NINL: variants seen among roughly 807,000 people sequenced by gnomAD.
NINL encodes the protein ninein like.
NINL carries 153 observed loss-of-function variants against 160.3 expected under a neutral mutation model. That is an observed-to-expected ratio of 0.95 (90% CI 0.84 to 1.09). The LOEUF (loss-of-function observed/expected upper bound fraction) is 1.09. Among genes scored for constraint, NINL ranks in the 50% least tolerant of loss-of-function variants. NINL has a pLI of 0.00. For missense variants in NINL, 1,829 were observed against 1,764.0 expected (o/e 1.04, Z -0.66); for synonymous variants, 800 against 734.8 (o/e 1.09, Z -1.43).
intron 10 of NINL, among the ~76,000 whole-genome samples, chr20:25,494,405 T>G (rs1269366910): frequency 1.3e-5 from 2 of 151,846 alleles, no homozygotes; most frequent in Non-Finnish European, 2.9e-5. Flanking sequence ...GTACACGTAC[T>G]GCACCACCGC....
chr20:25,500,716 A>G (rs2146785399), intron 8 of NINL, 124 bp downstream of exon 8: 1 of 922,706 alleles, frequency 1.1e-6, no homozygotes, highest in African/African-American at 1.6e-5. Flanking sequence ...CTTGCATGGC[A>G]TTCTCTGCAC....
chr20:25,507,215 A>G (rs1161775337), intron 5 of NINL, among the ~76,000 whole-genome samples: 1 of 151,522 alleles, frequency 6.6e-6, no homozygotes, highest in Non-Finnish European at 1.5e-5. Context: ...TGAAAACCTG[A>G]GTTAGCATCA....
intron 19 of NINL, 186 bp from the exon 20 acceptor site, chr20:25,462,727 T>C: frequency 1.8e-6 from 1 of 541,970 alleles, no homozygotes; most frequent in Non-Finnish European, 3.2e-6. Flanking sequence ...CATTCATGGT[T>C]CACTGCAGCC....
At chr20:25,529,288 A>C (rs2064410610) in intron 1 of NINL, among the ~76,000 whole-genome samples, 1 of 152,026 alleles carries the variant, frequency 6.6e-6, no homozygotes, top group East Asian at 1.9e-4. Flanking sequence ...AAAAAAAATT[A>C]AGTAGAATCT....
intron 6 of NINL, 89 bp downstream of exon 6, chr20:25,504,799 G>A: frequency 7.5e-7 from 1 of 1,338,362 alleles, no homozygotes; most frequent in Non-Finnish European, 1.0e-6. Flanking sequence ...CTACATGAGT[G>A]GCTGAAGGGT....
chr20:25,569,620 G>GC (rs1168468936), intron 1 of NINL, among the ~76,000 whole-genome samples: 1 of 152,212 alleles, frequency 6.6e-6, no homozygotes, highest in Non-Finnish European at 1.5e-5. Flanking sequence ...CCTGCAGGAG[G>GC]CAGGAGAGAT....
At chr20:25,460,038 C>G (rs2062746014) in intron 21 of NINL, among the ~76,000 whole-genome samples, 1 of 152,168 alleles carries the variant, frequency 6.6e-6, no homozygotes, top group Non-Finnish European at 1.5e-5. Context: ...GAGTCCCCAT[C>G]CCTTTGCCCT....
At chr20:25,510,538 C>T in intron 5 of NINL, 136 bp downstream of exon 5, 10 of 801,408 alleles carry the variant, frequency 1.2e-5, no homozygotes, top group Non-Finnish European at 1.8e-5. Flanking sequence ...AGGAAGAATC[C>T]AGCGGGACAC....
intron 19 of NINL, among the ~76,000 whole-genome samples, chr20:25,466,023 CTAT>C (rs369860389): frequency 2.6e-5 from 4 of 151,610 alleles, no homozygotes; most frequent in African/African-American, 9.7e-5. Context: ...AACTTATTTT[CTAT>C]TATTATTATT....
chr20:25,553,662 C>T (rs777049176), intron 1 of NINL, among the ~76,000 whole-genome samples: 8 of 152,334 alleles, frequency 5.3e-5, no homozygotes, highest in South Asian at 2.1e-4. Context: ...CAGACTTGCA[C>T]GCCATTATGT....
chr20:25,532,483 T>A (rs1290690125), intron 1 of NINL, among the ~76,000 whole-genome samples: 3 of 152,188 alleles, frequency 2.0e-5, no homozygotes, highest in African/African-American at 7.2e-5. Context: ...CCCAAGGGGA[T>A]CTGCAGCTCT....
chr20:25,550,202 G>A (rs6107052), intron 1 of NINL, among the ~76,000 whole-genome samples: 64,138 of 152,092 alleles, frequency 0.42, 14,373 homozygotes, highest in East Asian at 0.91. Flanking sequence ...GCAACATAGC[G>A]AGACTGTCTA....
chr20:25,556,987 C>T (rs192799872), intron 1 of NINL, among the ~76,000 whole-genome samples: 206 of 152,248 alleles, frequency 1.4e-3, no homozygotes, highest in African/African-American at 4.6e-3. Flanking sequence ...AGCTCCCACT[C>T]CCAGCTGGAA....
chr20:25,472,410 T>C (rs1486032712), intron 17 of NINL, among the ~76,000 whole-genome samples: 1 of 146,902 alleles, frequency 6.8e-6, no homozygotes, highest in Non-Finnish European at 1.5e-5. Context: ...CTTGTTGCCC[T>C]GGCTGGAGTG....
At chr20:25,489,029 G>T (rs1290377437) in intron 13 of NINL, 2 of 576,322 alleles carry the variant, frequency 3.5e-6, no homozygotes, top group Non-Finnish European at 6.2e-6. Context: ...ACAATGCCCT[G>T]CATGGTCCCT....
Position 25,459,020 on chromosome 20 carries a change from G to A in NINL, c.3697-491C>T, listed in dbSNP as rs145934941. The A allele has an allele frequency of 2.5e-3, 390 of 157,378 alleles. 3 individuals carry two copies. Among genetic ancestry groups the A allele is most frequent in the African/African-American group, 8.9e-3 (371 of 41,682 alleles). 9.7% of individuals were successfully genotyped at this position (157,378 alleles called of 1,614,324 possible). A position where few individuals can be genotyped will look rare whatever the true frequency, so the allele number is the denominator to read the frequency against. On this transcript the variant is annotated intron_variant, in intron 21 of 23. Transcript: ENST00000278886. ...TTCCTGGATGGCACTGTCTGCTGGAGGTGGGCTGAGCTGTTACAGTAAACT... is the reference window on the plus strand; with the variant it reads ...TTCCTGGATGGCACTGTCTGCTGGAAGTGGGCTGAGCTGTTACAGTAAACT...
intron 2 of NINL, among the ~76,000 whole-genome samples, chr20:25,524,534 C>T (rs1045322414): frequency 1.3e-5 from 2 of 152,118 alleles, no homozygotes; most frequent in Non-Finnish European, 2.9e-5. Context: ...CTCATCCCCT[C>T]CCCACACACA....
intron 18 of NINL, among the ~76,000 whole-genome samples, chr20:25,468,285 C>T (rs2062968295): frequency 6.6e-6 from 1 of 151,346 alleles, no homozygotes; most frequent in Non-Finnish European, 1.5e-5. Flanking sequence ...CCCCCCTGCT[C>T]AGTCCCTTGA....
intron 13 of NINL, 54 bp downstream of exon 13, chr20:25,489,186 CGTGT>C (rs1482842455): frequency 1.1e-5 from 16 of 1,500,708 alleles, no homozygotes; most frequent in Non-Finnish European, 1.4e-5. Context: ...GGACCACCTG[CGTGT>C]GGAGACCCAG....
Sources: gnomAD v4.1 joint callset for allele counts (sites outside exome capture counted in the v4.1 genomes callset) on GRCh38, gnomAD v4.1.1 for gene constraint, MANE v1.5 for transcripts, NCBI Gene and HGNC (gene_info 2026-07-23, HGNC 2026-07-21) for gene names.